SLC6A5: variants seen among roughly 807,000 people sequenced by gnomAD.
The protein encoded by SLC6A5 is sodium- and chloride-dependent glycine transporter 2.
SLC6A5 carries 58 observed loss-of-function variants against 90.5 expected under a neutral mutation model. The ratio of observed to expected loss-of-function variants is 0.64; its 90% CI spans 0.52 to 0.80. The LOEUF (loss-of-function observed/expected upper bound fraction) is 0.80. Among genes scored for constraint, SLC6A5 ranks in the 30% least tolerant of loss-of-function variants. SLC6A5 has a pLI of 0.00. For synonymous variants in SLC6A5, 427 were observed against 401.4 expected (o/e 1.06, Z -0.76); for missense variants, 1,015 against 1,017.6 (o/e 1.00, Z 0.03).
Position 20,615,390 on chromosome 11 carries a change from A to G in SLC6A5, c.1127+570A>G, listed in dbSNP as rs543106135. Among the ~76,000 whole-genome samples, 7 of 151,684 alleles carry G rather than the reference A, an allele frequency of 4.6e-5. No homozygotes were observed. The South Asian group carries it at 1.5e-3, about 32-fold the overall frequency. ...TTTCTTTCCTTTTTTTTCTTTTGAGATGGAGTCTCGCTCTGTTGCCCAGGC... is the reference window on the plus strand; with the variant it reads ...TTTCTTTCCTTTTTTTTCTTTTGAGGTGGAGTCTCGCTCTGTTGCCCAGGC... On this transcript the variant is annotated intron_variant, in intron 6 of 15. Coordinates refer to ENST00000525748, the MANE Select transcript of SLC6A5 (RefSeq NM_004211.5).
At chr11:20,634,816 G>A (rs1355763786) in intron 10 of SLC6A5, among the ~76,000 whole-genome samples, 1 of 152,186 alleles carries the variant, frequency 6.6e-6, no homozygotes, top group African/African-American at 2.4e-5. Context: ...TGTTATGCTT[G>A]AGTTATAAAC....
At chr11:20,649,342 C>T (rs929993951) in intron 14 of SLC6A5, among the ~76,000 whole-genome samples, 2 of 152,154 alleles carry the variant, frequency 1.3e-5, no homozygotes, top group Admixed American at 6.5e-5. Flanking sequence ...AGTCTCCCTC[C>T]AGCACCTTCT....
At position 20,636,379 on chromosome 11, in the gene SLC6A5, T is replaced by A. The variant is rs1162149973; in HGVS notation, c.1697T>A (p.Ile566Asn). ...RLPLSPFWAI[I>N]FFLMLLTLGL... ...CCTCTCTCTCCGTTCTGGGCCATCATCTTTTTCCTGATGCTCCTCACTCTT... is the reference window on the plus strand; with the variant it reads ...CCTCTCTCTCCGTTCTGGGCCATCAACTTTTTCCTGATGCTCCTCACTCTT... Residue 566 changes from isoleucine (I) to asparagine (N), a missense_variant, in exon 11 of 16, where the codon ATC becomes AAC. Around this residue, in one of 3 missense-constraint regions of SLC6A5, gnomAD observed 442 missense variants for 494.3 expected, o/e 0.89. Coordinates refer to ENST00000525748, the MANE Select transcript of SLC6A5 (RefSeq NM_004211.5). The A allele has an allele frequency of 1.9e-6, 3 of 1,613,842 alleles. No individual in the cohort carries two copies. Among genetic ancestry groups the A allele is most frequent in the African/African-American group, 2.7e-5 (2 of 75,026 alleles).
At chr11:20,605,752 T>C (rs1350120530) in intron 3 of SLC6A5, among the ~76,000 whole-genome samples, 1 of 152,196 alleles carries the variant, frequency 6.6e-6, no homozygotes, top group African/African-American at 2.4e-5. Flanking sequence ...GGCTCTGTGA[T>C]GCGAGGCAGC....
rs777988788 is a variant in SLC6A5, at chr11:20,617,739, C to G, written c.1128-13C>G. 4.3e-6 allele frequency: 7 copies of G among 1,613,244 alleles called. No individual in the cohort carries two copies. Among genetic ancestry groups the G allele is most frequent in the Admixed American group, 1.7e-5 (1 of 60,018 alleles). ...TTTCTATCACTCCCCCCATCCCTCCCTCCAACTCTCAGGTACTTTGTGCTG... is the reference window on the plus strand; with the variant it reads ...TTTCTATCACTCCCCCCATCCCTCCGTCCAACTCTCAGGTACTTTGTGCTG... On this transcript the variant is annotated splice_polypyrimidine_tract_variant and intron_variant, in intron 6 of 15. Transcript: ENST00000525748.
chr11:20,599,749 T>A (rs1265238908), intron 1 of SLC6A5, 74 bp downstream of exon 1: 1 of 1,580,820 alleles, frequency 6.3e-7, no homozygotes, highest in Non-Finnish European at 8.7e-7. Context: ...GTTTTGGCTA[T>A]TTCTTTTGGA....
chr11:20,628,740 T>A (rs1488292618), intron 9 of SLC6A5, among the ~76,000 whole-genome samples: 4 of 152,182 alleles, frequency 2.6e-5, no homozygotes, highest in Admixed American at 2.0e-4. Flanking sequence ...CTGAACACCA[T>A]TAAAGGGTGA....
intron 11 of SLC6A5, 120 bp downstream of exon 11, chr11:20,636,539 G>A (rs1014821103): frequency 4.5e-5 from 33 of 725,408 alleles, no homozygotes; most frequent in African/African-American, 4.5e-4. Flanking sequence ...TGTTTCTCCC[G>A]AGAGATCTAG....
chr11:20,628,896 A>T (rs1389566965), intron 9 of SLC6A5, among the ~76,000 whole-genome samples: 2 of 152,166 alleles, frequency 1.3e-5, no homozygotes, highest in Non-Finnish European at 2.9e-5. Context: ...CCTCTTCAGT[A>T]AACTAAGGGG....
chr11:20,635,643 G>A (rs1188347978), intron 10 of SLC6A5, among the ~76,000 whole-genome samples: 1 of 152,118 alleles, frequency 6.6e-6, no homozygotes, highest in Non-Finnish European at 1.5e-5. Flanking sequence ...ACCTGCACAT[G>A]CACCCCAGAA....
chr11:20,648,092 ATCC>A (rs1853455705), intron 14 of SLC6A5, among the ~76,000 whole-genome samples: 2 of 152,028 alleles, frequency 1.3e-5, no homozygotes, highest in Non-Finnish European at 2.9e-5. Context: ...ATCCTTCCCC[ATCC>A]TCCTCTGTGG....
chr11:20,604,226 A>C, intron 2 of SLC6A5, 60 bp from the exon 3 acceptor site: 1 of 1,547,552 alleles, frequency 6.5e-7, no homozygotes, highest in Non-Finnish European at 8.8e-7. Context: ...GGAGGGTGGA[A>C]GGGGCCTGCT....
intron 5 of SLC6A5, among the ~76,000 whole-genome samples, chr11:20,612,300 C>T (rs1427522589): frequency 2.0e-5 from 3 of 152,120 alleles, no homozygotes; most frequent in Admixed American, 2.0e-4. Flanking sequence ...AGCTGTGTGC[C>T]AGGCATTGTG....
intron 7 of SLC6A5, 134 bp from the exon 8 acceptor site, chr11:20,626,574 C>T (rs575986698): frequency 2.1e-6 from 2 of 933,114 alleles, no homozygotes; most frequent in African/African-American, 3.2e-5. Context: ...CCAGCCCTGG[C>T]TGCATTTGGG....
In SLC6A5 at chr11:20,648,164, C is replaced by G. The variant is rs535990434; in HGVS notation, c.2070+1230C>G. 6.6e-5 allele frequency among the ~76,000 whole-genome samples: 10 copies of G among 152,262 alleles called. No homozygotes were observed. The East Asian group carries it at 1.5e-3, about 24-fold the overall frequency. On this transcript the variant is annotated intron_variant, in intron 14 of 15. Transcript: ENST00000525748. ...ATGTTGGCTGTAATTCCCACAGAATCCAGTAGGTGGCACTAGAAACCAGAT... is the reference window on the plus strand; with the variant it reads ...ATGTTGGCTGTAATTCCCACAGAATGCAGTAGGTGGCACTAGAAACCAGAT...
At chr11:20,644,799 TTTTTTC>T (rs1263232022) in intron 13 of SLC6A5, among the ~76,000 whole-genome samples, 2 of 151,922 alleles carry the variant, frequency 1.3e-5, no homozygotes, top group African/African-American at 2.4e-5. Flanking sequence ...GCAGGGCCAT[TTTTTTC>T]TTTTTCTTTT....
At chr11:20,641,200 G>T (rs1853306408) in intron 13 of SLC6A5, among the ~76,000 whole-genome samples, 1 of 152,248 alleles carries the variant, frequency 6.6e-6, no homozygotes, top group Non-Finnish European at 1.5e-5. Context: ...CAGTACAGGG[G>T]CCTTTTGGCT....
chr11:20,628,625 A>G (rs1001978838), intron 9 of SLC6A5, among the ~76,000 whole-genome samples: 2 of 152,146 alleles, frequency 1.3e-5, no homozygotes, highest in African/African-American at 4.8e-5. Flanking sequence ...GTGATAGGGG[A>G]GTGGTAGGAA....
chr11:20,654,601 A>T, intron 15 of SLC6A5, 112 bp from the exon 16 acceptor site: 1 of 1,059,730 alleles, frequency 9.4e-7, no homozygotes, highest in Non-Finnish European at 1.5e-6. Context: ...TCTTGGCTCA[A>T]GCAAGGACTC....
Sources: gnomAD v4.1 joint callset for allele counts (sites outside exome capture counted in the v4.1 genomes callset) on GRCh38, gnomAD v4.1.1 for gene constraint, gnomAD v4.1.1 regional missense constraint, MANE v1.5 for transcripts, NCBI Gene and HGNC (gene_info 2026-07-23, HGNC 2026-07-21) for gene names.